Variants in TYW1B observed in about 807,000 individuals in gnomAD.
The protein encoded by TYW1B is tRNA-yW synthesizing protein 1 homolog B.
Under a neutral mutation model 86.9 loss-of-function variants are expected in TYW1B, and 73 were observed. The ratio of observed to expected loss-of-function variants is 0.84; its 90% confidence interval spans 0.70 to 1.02. TYW1B has a LOEUF of 1.02. Ranked by LOEUF, TYW1B falls within the 50% of genes least tolerant of loss-of-function variation. The pLI is 0.00. For synonymous variants in TYW1B, 248 were observed against 292.8 expected, an observed-to-expected ratio of 0.85 and a Z score of 1.56; for missense variants, 637 against 827.4, an observed-to-expected ratio of 0.77 and a Z score of 2.82.
chr7:72,689,678 G>C (rs1449093618), intron 11 of TYW1B, among the ~76,000 whole-genome samples: 1 of 152,118 alleles, frequency 6.6e-6, no homozygotes, highest in Non-Finnish European at 1.5e-5. Context: ...AAAAACAAAA[G>C]TAACATATAA....
chr7:72,604,418 C>T (rs756349112), intron 13 of TYW1B, among the ~76,000 whole-genome samples: 10 of 151,992 alleles, frequency 6.6e-5, no homozygotes, highest in East Asian at 1.9e-4. Flanking sequence ...GCTGAGATCA[C>T]GCCACTGCAC....
intron 9 of TYW1B, among the ~76,000 whole-genome samples, chr7:72,718,932 A>G (rs540685626): frequency 1.6e-3 from 248 of 152,222 alleles, no homozygotes; most frequent in Middle Eastern, 6.8e-3. Context: ...CCGCGAAGGT[A>G]GTTTTATATC....
chr7:72,741,461 A>T (rs1256817789), intron 8 of TYW1B, among the ~76,000 whole-genome samples: 10 of 152,200 alleles, frequency 6.6e-5, no homozygotes, highest in Non-Finnish European at 1.5e-4. Flanking sequence ...AATTGAACAG[A>T]GTCTTAGCAC....
chr7:72,812,983 C>A (rs1788649620), intron 3 of TYW1B, among the ~76,000 whole-genome samples: 1 of 151,972 alleles, frequency 6.6e-6, no homozygotes, highest in Non-Finnish European at 1.5e-5. Flanking sequence ...CAAGAGCCAC[C>A]CCACCTGGCC....
chr7:72,684,477 T>C (rs1813956913), intron 11 of TYW1B, among the ~76,000 whole-genome samples: 1 of 151,368 alleles, frequency 6.6e-6, no homozygotes, highest in Non-Finnish European at 1.5e-5. Flanking sequence ...CCTATGAAAA[T>C]GTCCTTCAAC....
intron 7 of TYW1B, among the ~76,000 whole-genome samples, chr7:72,758,430 AT>A (rs1554466610): frequency 1.3e-5 from 2 of 148,946 alleles, no homozygotes; most frequent in East Asian, 2.2e-4. Context: ...CTAAATAAAC[AT>A]TTTTTTCTCT....
intron 5 of TYW1B, 76 bp downstream of exon 5, chr7:72,806,990 A>C: frequency 6.5e-7 from 1 of 1,535,750 alleles, no homozygotes; most frequent in Non-Finnish European, 8.8e-7. Context: ...GAGATGGTTT[A>C]TTGAGGAAGA....
At chr7:72,589,101 C>A (rs1811339248) in intron 13 of TYW1B, among the ~76,000 whole-genome samples, 1 of 152,250 alleles carries the variant, frequency 6.6e-6, no homozygotes, top group African/African-American at 2.4e-5. Flanking sequence ...GCATGAGCCA[C>A]TGCACCCAGC....
chr7:72,797,126 C>A (rs541316110), intron 6 of TYW1B, among the ~76,000 whole-genome samples: 2 of 152,244 alleles, frequency 1.3e-5, no homozygotes, highest in Admixed American at 1.3e-4. Context: ...TGGTCTTTGA[C>A]CCTGGTTCTT....
intron 13 of TYW1B, among the ~76,000 whole-genome samples, chr7:72,580,529 A>C (rs1226866353): frequency 6.6e-6 from 1 of 152,142 alleles, no homozygotes; most frequent in Non-Finnish European, 1.5e-5. Flanking sequence ...TGACTTAATA[A>C]AGCCAGGCTG....
intron 9 of TYW1B, among the ~76,000 whole-genome samples, chr7:72,716,859 C>T (rs372962839): frequency 5.4e-5 from 8 of 146,896 alleles, no homozygotes; most frequent in Non-Finnish European, 9.0e-5. Context: ...TATGTTGGCC[C>T]GCCTCAGCCT....
rs60697512 is a variant in TYW1B at position 72,627,516 on chromosome 7, TA to T, written c.1617+1370del. Among the ~76,000 whole-genome samples, 881 of 122,500 alleles carry T rather than the reference TA, an allele frequency of 7.2e-3. 3 individuals are homozygous for T. The highest frequency in any genetic ancestry group is 0.026 in the African/African-American group (817 of 31,978). 80.4% of individuals were successfully genotyped at this position (122,500 alleles called of 152,430 possible). A position where few individuals can be genotyped will look rare whatever the true frequency, so the allele number is the denominator to read the frequency against. On this transcript the variant is annotated intron_variant, in intron 12 of 13. Coordinates refer to ENST00000620995, the MANE Select transcript of TYW1B (RefSeq NM_001145440.3). ...ATAACATAACATAACATAACATAAA[TA>T]AAATAAAATAAAATAAAATGTCATC... is the stretch of plus-strand genomic sequence containing the variant.
intron 10 of TYW1B, among the ~76,000 whole-genome samples, chr7:72,696,352 A>G (rs1814321062): frequency 6.6e-6 from 1 of 152,056 alleles, no homozygotes; most frequent in Non-Finnish European, 1.5e-5. Flanking sequence ...TTCCCCCTTA[A>G]TCATCTTCTG....
At chr7:72,768,850 T>C (rs1787819630) in intron 7 of TYW1B, 1 of 292,368 alleles carries the variant, frequency 3.4e-6, no homozygotes, top group East Asian at 1.0e-4. Context: ...ATGACTTCTC[T>C]GATTCACAAA....
chr7:72,726,701 T>G (rs1787004350), intron 9 of TYW1B, among the ~76,000 whole-genome samples: 1 of 152,142 alleles, frequency 6.6e-6, no homozygotes, highest in Admixed American at 6.6e-5. Flanking sequence ...CTACTGATCT[T>G]GAACCATTAT....
At chr7:72,762,944 GC>G (rs1787709466) in intron 7 of TYW1B, among the ~76,000 whole-genome samples, 1 of 152,054 alleles carries the variant, frequency 6.6e-6, no homozygotes, top group Non-Finnish European at 1.5e-5. Context: ...ACAGGCGTGA[GC>G]CACCACACCC....
intron 11 of TYW1B, among the ~76,000 whole-genome samples, chr7:72,685,858 A>T (rs1554449306): frequency 6.6e-6 from 1 of 152,194 alleles, no homozygotes; most frequent in Non-Finnish European, 1.5e-5. Context: ...TGAAAAGACA[A>T]GCTACAGACT....
chr7:72,754,966 A>G (rs1044315171), intron 7 of TYW1B, among the ~76,000 whole-genome samples: 5 of 152,216 alleles, frequency 3.3e-5, no homozygotes, highest in African/African-American at 9.7e-5. Context: ...TACTTTAACA[A>G]TAGTATAGAG....
intron 11 of TYW1B, among the ~76,000 whole-genome samples, chr7:72,678,702 C>A (rs775745338): frequency 3.3e-5 from 5 of 151,208 alleles, no homozygotes; most frequent in Non-Finnish European, 5.9e-5. Context: ...TCATCACGCC[C>A]AGCTAATTTT....
Sources: gnomAD v4.1 joint callset for allele counts (sites outside exome capture counted in the v4.1 genomes callset) on GRCh38, gnomAD v4.1.1 for gene constraint, MANE v1.5 for transcripts, NCBI Gene and HGNC (gene_info 2026-07-23, HGNC 2026-07-21) for gene names.